The following CPE variants were observed in gnomAD, a reference collection of about 807,000 sequenced individuals.
The protein encoded by CPE is carboxypeptidase E.
In CPE, 17 loss-of-function variants were observed where a neutral mutation model predicts 53.5. That is an observed-to-expected ratio of 0.32 (90% CI 0.22 to 0.48). The LOEUF is 0.48. Among genes scored for constraint, CPE ranks in the 20% least tolerant of loss-of-function variants. CPE has a pLI of 0.99. For missense variants in CPE, 524 were observed against 614.7 expected (o/e 0.85, Z 1.56); for synonymous variants, 226 against 228.8 (o/e 0.99, Z 0.11).
intron 1 of CPE, among the ~76,000 whole-genome samples, chr4:165,453,319 C>CCTTT (rs996385479): frequency 1.3e-5 from 2 of 150,620 alleles, no homozygotes; most frequent in African/African-American, 4.9e-5. Flanking sequence ...TTCCTTCCTT[C>CCTTT]CTTCCTTCCT....
chr4:165,479,874 C>G (rs1306334234), intron 3 of CPE, among the ~76,000 whole-genome samples: 1 of 151,982 alleles, frequency 6.6e-6, no homozygotes, highest in Non-Finnish European at 1.5e-5. Flanking sequence ...CACCTGTAGT[C>G]CCAGCTACGC....
At chr4:165,487,159 C>G (rs2126714106) in intron 5 of CPE, among the ~76,000 whole-genome samples, 1 of 152,298 alleles carries the variant, frequency 6.6e-6, no homozygotes, top group South Asian at 2.1e-4. Context: ...CCGAAGCCCA[C>G]TCCAGCAATG....
chr4:165,475,813 C>A (rs1034187775), intron 3 of CPE, among the ~76,000 whole-genome samples: 1 of 152,138 alleles, frequency 6.6e-6, no homozygotes. Flanking sequence ...TTCCTTCCAC[C>A]CCTCCGAGCC....
chr4:165,465,473 C>A (rs192897621), intron 2 of CPE, among the ~76,000 whole-genome samples: 12 of 152,100 alleles, frequency 7.9e-5, no homozygotes, highest in African/African-American at 2.9e-4. Context: ...GACACATGGG[C>A]AACAGATTAT....
chr4:165,476,500 C>T (rs1176165411), intron 3 of CPE, among the ~76,000 whole-genome samples: 7 of 151,940 alleles, frequency 4.6e-5, no homozygotes, highest in East Asian at 3.9e-4. Flanking sequence ...TTTTGCCTCT[C>T]GGTGCGCATG....
At chr4:165,450,537 T>C (rs1731790544) in intron 1 of CPE, among the ~76,000 whole-genome samples, 1 of 152,232 alleles carries the variant, frequency 6.6e-6, no homozygotes, top group Non-Finnish European at 1.5e-5. Context: ...GATCCATGAT[T>C]ACTCATAATT....
At chr4:165,429,388 T>C (rs1395195099) in intron 1 of CPE, among the ~76,000 whole-genome samples, 2 of 152,196 alleles carry the variant, frequency 1.3e-5, no homozygotes, top group African/African-American at 4.8e-5. Context: ...TTGGAAAAAT[T>C]CTTTGCTTTT....
chr4:165,393,893 C>G (rs1730723196), intron 1 of CPE, among the ~76,000 whole-genome samples: 1 of 152,140 alleles, frequency 6.6e-6, no homozygotes, highest in South Asian at 2.1e-4. Flanking sequence ...ACTGTAAGTA[C>G]CTACAGAAAA....
chr4:165,389,237 A>G (rs1730643019), intron 1 of CPE, among the ~76,000 whole-genome samples: 1 of 152,212 alleles, frequency 6.6e-6, no homozygotes, highest in South Asian at 2.1e-4. Flanking sequence ...GATGATGGCA[A>G]GATAATTGTG....
intron 2 of CPE, among the ~76,000 whole-genome samples, chr4:165,466,552 C>G (rs1285392719): frequency 6.6e-6 from 1 of 152,028 alleles, no homozygotes; most frequent in Non-Finnish European, 1.5e-5. Context: ...GAGTCTCACT[C>G]TGTCACCAGG....
At chr4:165,468,406 C>T (rs1530042) in intron 3 of CPE, among the ~76,000 whole-genome samples, 27,896 of 152,024 alleles carry the variant, frequency 0.18, 3,861 homozygotes, top group African/African-American at 0.39. Flanking sequence ...CTCCCAGATC[C>T]GTGCCTCTAA....
chr4:165,477,243 G>A (rs895551826), intron 3 of CPE, among the ~76,000 whole-genome samples: 5 of 152,052 alleles, frequency 3.3e-5, no homozygotes, highest in Non-Finnish European at 7.4e-5. Flanking sequence ...TTCTAGCTTA[G>A]GCAATACTTA....
intron 1 of CPE, among the ~76,000 whole-genome samples, chr4:165,454,751 A>T (rs796724251): frequency 4.6e-5 from 7 of 152,356 alleles, no homozygotes; most frequent in African/African-American, 1.7e-4. Flanking sequence ...CACTATGATG[A>T]CGTACAGTTT....
intron 1 of CPE, among the ~76,000 whole-genome samples, chr4:165,426,985 C>T (rs72703639): frequency 0.042 from 6,389 of 152,306 alleles, 219 homozygotes; most frequent in East Asian, 0.15. Context: ...GGCTGGGAGT[C>T]TCATTTGCAT....
At chr4:165,431,231 G>A (rs977286886) in intron 1 of CPE, among the ~76,000 whole-genome samples, 3 of 152,124 alleles carry the variant, frequency 2.0e-5, no homozygotes, top group East Asian at 1.9e-4. Flanking sequence ...TGATACCTCC[G>A]TTTTCCACTG....
intron 3 of CPE, among the ~76,000 whole-genome samples, chr4:165,474,110 C>G (rs920477152): frequency 6.6e-6 from 1 of 152,222 alleles, no homozygotes; most frequent in Non-Finnish European, 1.5e-5. Flanking sequence ...TTTAGGGAAA[C>G]CTGGATGGGG....
intron 1 of CPE, among the ~76,000 whole-genome samples, chr4:165,444,584 A>G (rs1458259058): frequency 6.6e-6 from 1 of 152,160 alleles, no homozygotes; most frequent in East Asian, 1.9e-4. Flanking sequence ...CTGCCTCCCC[A>G]GGTGGGGAGA....
intron 1 of CPE, among the ~76,000 whole-genome samples, chr4:165,422,880 G>A (rs960567258): frequency 1.3e-5 from 2 of 151,096 alleles, no homozygotes; most frequent in East Asian, 3.9e-4. Flanking sequence ...GGGAGGCTGA[G>A]GCAGGAGAAT....
At chr4:165,473,840 C>T (rs944157388) in intron 3 of CPE, among the ~76,000 whole-genome samples, 3 of 152,232 alleles carry the variant, frequency 2.0e-5, no homozygotes, top group African/African-American at 7.2e-5. Context: ...TAATTTTACT[C>T]CTCCAGGAGT....
Sources: gnomAD v4.1 joint callset for allele counts (sites outside exome capture counted in the v4.1 genomes callset) on GRCh38, gnomAD v4.1.1 for gene constraint, MANE v1.5 for transcripts, NCBI Gene and HGNC (gene_info 2026-07-23, HGNC 2026-07-21) for gene names.